PCDH11X: variants seen among roughly 807,000 people sequenced by gnomAD.
PCDH11X encodes the protein protocadherin 11 X-linked.
Under a neutral mutation model 53.3 loss-of-function variants are expected in PCDH11X, and 18 were observed. The ratio of observed to expected loss-of-function variants is 0.34; its 90% CI spans 0.23 to 0.50. The LOEUF is 0.50. Among genes scored for constraint, PCDH11X ranks in the 20% least tolerant of loss-of-function variants. The probability of loss-of-function intolerance (pLI) is 0.98; values close to 1 mark genes in which losing one functional copy is unlikely to be tolerated. For synonymous variants in PCDH11X, 279 were observed against 393.3 expected (o/e 0.71, Z 3.44); for missense variants, 570 against 1,032.4 (o/e 0.55, Z 6.14).
intron 10 of PCDH11X, among the ~76,000 whole-genome samples, chrX:92,617,053 T>C (rs1259883804): frequency 8.9e-6 from 1 of 111,764 alleles, no homozygotes; most frequent in Non-Finnish European, 1.9e-5. Flanking sequence ...TTTATTTCAT[T>C]GTCTAGAACT....
chrX:92,268,315 C>T (rs1299554978), intron 8 of PCDH11X, among the ~76,000 whole-genome samples: 1 of 108,206 alleles, frequency 9.2e-6, no homozygotes, highest in Non-Finnish European at 1.9e-5. Context: ...TTTTTTAAGA[C>T]AGAGTCTCAC....
chrX:92,461,183 TC>T (rs1365261001), intron 9 of PCDH11X, among the ~76,000 whole-genome samples: 1 of 109,947 alleles, frequency 9.1e-6, no homozygotes, highest in Non-Finnish European at 1.9e-5. Context: ...CCGATGACAT[TC>T]TTCAGAGAAA....
At chrX:91,801,661 G>A (rs1339936648) in intron 1 of PCDH11X, among the ~76,000 whole-genome samples, 2 of 112,100 alleles carry the variant, frequency 1.8e-5, no homozygotes, top group Non-Finnish European at 3.8e-5. Flanking sequence ...AATTATACAT[G>A]ATATGAATGC....
At chrX:92,253,615 T>C (rs1281471192) in intron 7 of PCDH11X, among the ~76,000 whole-genome samples, 1 of 111,930 alleles carries the variant, frequency 8.9e-6, no homozygotes, top group African/African-American at 3.2e-5. Flanking sequence ...TCAATTTCTT[T>C]TAGTAGTGTT....
Position 91,943,863 on chromosome X carries a change from G to GA in PCDH11X, c.3033+64600dup, listed in dbSNP as rs1200548395. ...ACATTTCTTTCAGACTAGAAAGTAA[G>GA]AAAAAAAAAAGCCACAGGCTTACTT... On this transcript the variant is annotated intron_variant, in intron 6 of 10. Transcript: ENST00000682573. Among the ~76,000 whole-genome samples the GA allele has an allele frequency of 1.9e-4, 18 of 94,866 alleles. No homozygotes were observed. In the South Asian group the frequency reaches 3.9e-3, roughly 21 times the overall value. The allele number at this position is 94,866 out of a possible 115,157, so 82.4% of individuals were successfully genotyped here.
At chrX:92,416,774 C>A (rs1363258021) in intron 9 of PCDH11X, among the ~76,000 whole-genome samples, 1 of 101,607 alleles carries the variant, frequency 9.8e-6, no homozygotes, top group Non-Finnish European at 2.0e-5. Context: ...AAAAGGATTA[C>A]CCCTTTTTAA....
chrX:92,113,115 G>T (rs2064555566), intron 6 of PCDH11X: 21 of 572,441 alleles, frequency 3.7e-5, no homozygotes, highest in Non-Finnish European at 5.1e-5. Flanking sequence ...GCCTCAAAAA[G>T]TGACATTTAT....
At chrX:92,582,794 C>T (rs1431936033) in intron 10 of PCDH11X, among the ~76,000 whole-genome samples, 1 of 110,215 alleles carries the variant, frequency 9.1e-6, no homozygotes, top group African/African-American at 3.3e-5. Flanking sequence ...CTGTACCCTG[C>T]AAAGCCACAG....
rs2754918 is a variant in PCDH11X, at chrX:92,395,947, T to A, written c.3343+8014T>A. ...TTTTTTATATGTGATGAGGCCCTTT[T>A]TTTTTTTAAAAAAGGTTCCCATTTT... On this transcript the variant is annotated intron_variant, in intron 9 of 10. Transcript: ENST00000682573. Among the ~76,000 whole-genome samples the A allele has an allele frequency of 9.7e-3, 807 of 83,446 alleles. 17 individuals are homozygous for A. The highest frequency in any genetic ancestry group is 0.042 in the African/African-American group (779 of 18,427). 72.5% of individuals were successfully genotyped at this position (83,446 alleles called of 115,157 possible).
At chrX:92,218,374 G>A (rs966499974) in intron 7 of PCDH11X, among the ~76,000 whole-genome samples, 21 of 111,086 alleles carry the variant, frequency 1.9e-4, no homozygotes, top group East Asian at 5.7e-4. Flanking sequence ...TATCACCACC[G>A]ATCCCACAGA....
intron 10 of PCDH11X, among the ~76,000 whole-genome samples, chrX:92,470,681 A>C (rs2148663759): frequency 8.9e-6 from 1 of 111,791 alleles, no homozygotes; most frequent in Admixed American, 9.5e-5. Context: ...TTTATCAAGT[A>C]ATTTTTCAGC....
At chrX:91,847,296 G>A (rs1335385017) in intron 5 of PCDH11X, among the ~76,000 whole-genome samples, 2 of 110,708 alleles carry the variant, frequency 1.8e-5, no homozygotes, top group African/African-American at 3.3e-5. Flanking sequence ...CTCCTTAGAA[G>A]CTGAGACTAC....
intron 6 of PCDH11X, among the ~76,000 whole-genome samples, chrX:92,033,420 A>T: frequency 1.1e-5 from 1 of 95,149 alleles, no homozygotes; most frequent in Admixed American, 1.2e-4. Flanking sequence ...AGTTCTTATT[A>T]CTTGTTAGTG....
At chrX:91,888,243 A>G (rs1267774786) in intron 6 of PCDH11X, among the ~76,000 whole-genome samples, 1 of 111,937 alleles carries the variant, frequency 8.9e-6, no homozygotes, top group African/African-American at 3.2e-5. Flanking sequence ...ATTCCAATAG[A>G]TTTTCTAGAA....
At chrX:92,352,284 G>T (rs1370918808) in intron 8 of PCDH11X, among the ~76,000 whole-genome samples, 2 of 111,728 alleles carry the variant, frequency 1.8e-5, no homozygotes, top group African/African-American at 6.5e-5. Context: ...TGATAGGTGA[G>T]AAAACTGATG....
At chrX:91,816,475 G>A (rs903271069) in intron 4 of PCDH11X, among the ~76,000 whole-genome samples, 6 of 110,921 alleles carry the variant, frequency 5.4e-5, no homozygotes, top group Middle Eastern at 4.7e-3. Context: ...TTTTCTCTAC[G>A]TTTTTAAAAC....
chrX:92,227,954 C>T (rs1194563879), intron 7 of PCDH11X, among the ~76,000 whole-genome samples: 1 of 11,171 alleles, frequency 9.0e-5, no homozygotes, highest in Non-Finnish European at 9.6e-4. Context: ...GATAATAAGA[C>T]AATTTTAAGA....
intron 9 of PCDH11X, among the ~76,000 whole-genome samples, chrX:92,451,488 T>G (rs1487393271): frequency 9.2e-6 from 1 of 109,219 alleles, no homozygotes; most frequent in Non-Finnish European, 1.9e-5. Context: ...AAACCACTGA[T>G]TTAAATGGAA....
chrX:92,257,304 G>A (rs1262451623), intron 7 of PCDH11X, among the ~76,000 whole-genome samples: 2 of 110,936 alleles, frequency 1.8e-5, no homozygotes, highest in African/African-American at 6.6e-5. Context: ...TCCAACATTG[G>A]GGATTACATT....
Sources: allele counts gnomAD v4.1 joint callset (sites outside exome capture counted in the v4.1 genomes callset), GRCh38; gene constraint gnomAD v4.1.1; transcripts MANE v1.5; gene names NCBI Gene and HGNC (gene_info 2026-07-23, HGNC 2026-07-21).